SPSB4: variants seen among roughly 807,000 people sequenced by gnomAD.
SPSB4 encodes SPRY domain-containing SOCS box protein 4.
Under a neutral mutation model 20.9 loss-of-function variants are expected in SPSB4, and 21 were observed. That is an observed-to-expected ratio of 1.01 (90% CI 0.71 to 1.45). The LOEUF (loss-of-function observed/expected upper bound fraction) is 1.45, where lower values mean the gene tolerates loss of function less well. Among genes scored for constraint, SPSB4 ranks in the 40% most tolerant of loss-of-function variants. SPSB4 has a pLI of 0.00. For synonymous variants in SPSB4, 207 were observed against 183.8 expected (o/e 1.13, Z -1.02); for missense variants, 399 against 399.2 (o/e 1.00, Z 0.00).
At position 141,066,412 on chromosome 3, in the gene SPSB4, A is replaced by G. The variant is rs1166086971; in HGVS notation, c.308A>G (p.Asn103Ser). The change falls in exon 2 of 3, where the codon AAC (asparagine) becomes AGC (serine). Residue 103 changes from asparagine (N) to serine (S), a missense_variant. By Grantham distance (46) the Asn-to-Ser change is conservative. Coordinates refer to ENST00000310546, the MANE Select transcript of SPSB4 (RefSeq NM_080862.3). ...CGCGGCCTGCACGCCTGGCAGATCA[A>G]CTGGCCGGCTCGGCAGCGCGGCACC... ...HARGLHAWQI[N>S]WPARQRGTHA... 8.5e-6 allele frequency: 13 copies of G among 1,530,430 alleles called. No homozygotes were observed. In the Middle Eastern group the frequency reaches 5.1e-4, roughly 60 times the overall value. The allele number at this position is 1,530,430 out of a possible 1,614,324, so 94.8% of individuals were successfully genotyped here.
chr3:141,094,766 G>GC lies in SPSB4; in HGVS notation c.694+27974dup, dbSNP rs955725029. 3.7e-4 allele frequency among the ~76,000 whole-genome samples: 23 copies of GC among 61,344 alleles called. No homozygotes were observed. The East Asian group carries it at 4.4e-3, about 12-fold the overall frequency. 40.2% of individuals were successfully genotyped at this position (61,344 alleles called of 152,430 possible). The stretch of plus-strand genomic sequence containing the variant: ...GAAGGTTCTCCCTTGTGCCCTGCCC[G>GC]CCCCCCGCCCCCCGCCCCTTTGCCC... On this transcript the variant is annotated intron_variant, in intron 2 of 2. Coordinates refer to ENST00000310546, the MANE Select transcript of SPSB4 (RefSeq NM_080862.3).
At chr3:141,088,857 C>G (rs1938399148) in intron 2 of SPSB4, among the ~76,000 whole-genome samples, 2 of 152,180 alleles carry the variant, frequency 1.3e-5, no homozygotes, top group Non-Finnish European at 2.9e-5. Context: ...CTATCTGCAC[C>G]CACATCTTTG....
At chr3:141,081,241 G>C (rs1938222643) in intron 2 of SPSB4, among the ~76,000 whole-genome samples, 1 of 152,210 alleles carries the variant, frequency 6.6e-6, no homozygotes. Context: ...GGTTGTGCTA[G>C]CCGCATCCAA....
intron 2 of SPSB4, among the ~76,000 whole-genome samples, chr3:141,134,010 T>C (rs1197970162): frequency 6.7e-6 from 1 of 150,014 alleles, no homozygotes; most frequent in Non-Finnish European, 1.5e-5. Context: ...TATTCCTAAG[T>C]ATTTTTCCTT....
rs1484807498 is a variant in SPSB4, at chr3:141,147,454, A to G, written c.*185A>G. On this transcript the variant is annotated 3_prime_UTR_variant, in exon 3 of 3. Transcript: ENST00000310546. The stretch of plus-strand genomic sequence containing the variant: ...AAACGAAAGGTCTCTTGCCAACAGT[A>G]TCTACTGCCCTCGAGGCAGCCCTCC... 3 of 983,166 alleles carry G rather than the reference A, an allele frequency of 3.1e-6. No homozygotes were observed. In the East Asian group the frequency reaches 8.0e-5, roughly 26 times the overall value. The allele number at this position is 983,166 out of a possible 1,614,324, so 60.9% of individuals were successfully genotyped here.
intron 1 of SPSB4, among the ~76,000 whole-genome samples, chr3:141,055,515 T>C (rs552300157): frequency 1.3e-5 from 2 of 151,754 alleles, no homozygotes; most frequent in Non-Finnish European, 2.9e-5. Context: ...AATGAAGAGA[T>C]TGGTGGGTGT....
intron 2 of SPSB4, among the ~76,000 whole-genome samples, chr3:141,138,913 C>G (rs1939274662): frequency 6.6e-6 from 1 of 152,142 alleles, no homozygotes; most frequent in South Asian, 2.1e-4. Context: ...TCTCGTTGAT[C>G]TGTCTAATGT....
chr3:141,098,032 T>A (rs1175343842), intron 2 of SPSB4, among the ~76,000 whole-genome samples: 1 of 152,224 alleles, frequency 6.6e-6, no homozygotes, highest in Non-Finnish European at 1.5e-5. Flanking sequence ...AGCTCAGGCC[T>A]GTCTGGTTCT....
intron 2 of SPSB4, among the ~76,000 whole-genome samples, chr3:141,082,944 G>C (rs1015534966): frequency 6.6e-6 from 1 of 152,100 alleles, no homozygotes; most frequent in African/African-American, 2.4e-5. Context: ...TGGCCTCAGC[G>C]TGGTGATCTG....
At chr3:141,089,835 C>T (rs1230546157) in intron 2 of SPSB4, among the ~76,000 whole-genome samples, 1 of 152,208 alleles carries the variant, frequency 6.6e-6, no homozygotes, top group Non-Finnish European at 1.5e-5. Context: ...GTGTTGACAG[C>T]TCTGCCATTA....
intron 2 of SPSB4, among the ~76,000 whole-genome samples, chr3:141,099,668 A>C (rs1938588615): frequency 1.3e-5 from 2 of 152,204 alleles, no homozygotes; most frequent in South Asian, 4.1e-4. Context: ...TGCCTTGCAG[A>C]ATCTTAGGAT....
At chr3:141,081,072 G>A (rs548099657) in intron 2 of SPSB4, among the ~76,000 whole-genome samples, 21 of 152,342 alleles carry the variant, frequency 1.4e-4, no homozygotes, top group African/African-American at 5.1e-4. Context: ...CAGTCTCTGA[G>A]ATGGAGGGAC....
At chr3:141,058,693 G>C (rs553370224) in intron 1 of SPSB4, among the ~76,000 whole-genome samples, 130 of 152,270 alleles carry the variant, frequency 8.5e-4, no homozygotes, top group African/African-American at 3.0e-3. Context: ...GCTCTCAGCT[G>C]CACAGTGCCT....
rs1938218948 is a variant in SPSB4, at chr3:141,080,975, G to T, written c.694+14177G>T. The stretch of plus-strand genomic sequence containing the variant: ...TGCCCACTTGCTCTGTGACCTCGGG[G>T]AAGTCAGCTCCTCTCTTTGTGCCTC... On this transcript the variant is annotated intron_variant, in intron 2 of 2. Coordinates refer to ENST00000310546, the MANE Select transcript of SPSB4 (RefSeq NM_080862.3). Among the ~76,000 whole-genome samples the T allele has an allele frequency of 2.6e-5, 4 of 152,294 alleles. No homozygotes were observed. In the South Asian group the frequency reaches 8.3e-4, roughly 32 times the overall value.
At chr3:141,067,021 T>A (rs1166562997) in intron 2 of SPSB4, among the ~76,000 whole-genome samples, 2 of 152,180 alleles carry the variant, frequency 1.3e-5, no homozygotes, top group Non-Finnish European at 1.5e-5. Flanking sequence ...TAGCTCACAG[T>A]TGTAACGATC....
intron 2 of SPSB4, among the ~76,000 whole-genome samples, chr3:141,079,541 G>A (rs571561675): frequency 3.3e-5 from 5 of 152,234 alleles, no homozygotes; most frequent in South Asian, 2.1e-4. Context: ...GCCAAGCAGC[G>A]TGGGGAGGGC....
At chr3:141,090,718 G>A (rs1390467964) in intron 2 of SPSB4, among the ~76,000 whole-genome samples, 1 of 152,186 alleles carries the variant, frequency 6.6e-6, no homozygotes, top group Non-Finnish European at 1.5e-5. Context: ...GTGAGACGGG[G>A]AGTCACTACA....
At chr3:141,091,179 T>C (rs566860086) in intron 2 of SPSB4, among the ~76,000 whole-genome samples, 5 of 152,294 alleles carry the variant, frequency 3.3e-5, no homozygotes, top group Admixed American at 6.5e-5. Flanking sequence ...ATTTTTAAAA[T>C]AGCCATGATG....
intron 2 of SPSB4, among the ~76,000 whole-genome samples, chr3:141,077,909 C>T (rs539023758): frequency 7.2e-5 from 11 of 152,356 alleles, no homozygotes; most frequent in South Asian, 6.2e-4. Flanking sequence ...AATGAGAAAC[C>T]GCTCAGGCAC....
Sources: allele counts gnomAD v4.1 joint callset (sites outside exome capture counted in the v4.1 genomes callset), GRCh38; gene constraint gnomAD v4.1.1; transcripts MANE v1.5; gene names NCBI Gene and HGNC (gene_info 2026-07-23, HGNC 2026-07-21).